Variants in LRP2 observed in about 807,000 individuals in gnomAD.
The protein encoded by LRP2 is LDL receptor related protein 2.
A neutral mutation model predicts 531.0 loss-of-function variants in LRP2; 172 were observed. The observed-to-expected ratio is 0.32, with a 90% CI of 0.29 to 0.37. The LOEUF is 0.37. LRP2 is among the 10% of genes least tolerant of loss of function. The probability of loss-of-function intolerance (pLI) is 1.00; values close to 1 mark genes in which losing one functional copy is unlikely to be tolerated. For missense variants in LRP2, 5,167 were observed against 5,868.3 expected, an observed-to-expected ratio of 0.88 and a Z score of 3.90; for synonymous variants, 1,992 against 2,027.6, an observed-to-expected ratio of 0.98 and a Z score of 0.47.
At chr2:169,257,960 A>G (rs1319306965) in intron 17 of LRP2, among the ~76,000 whole-genome samples, 1 of 152,122 alleles carries the variant, frequency 6.6e-6, no homozygotes, top group African/African-American at 2.4e-5. Context: ...ATCATTTTAA[A>G]CAAAAGAGTC....
intron 54 of LRP2, among the ~76,000 whole-genome samples, chr2:169,175,817 C>G (rs1687171377): frequency 6.6e-6 from 1 of 152,174 alleles, no homozygotes; most frequent in South Asian, 2.1e-4. Flanking sequence ...TTCTTAATCT[C>G]AGATATCTTA....
chr2:169,338,404 G>GAAAGAGA (rs1685477640), intron 1 of LRP2, among the ~76,000 whole-genome samples: 1 of 104,606 alleles, frequency 9.6e-6, no homozygotes, highest in African/African-American at 3.9e-5. Context: ...AAGAAAGAAA[G>GAAAGAGA]AAAGAAAAGA....
intron 16 of LRP2, among the ~76,000 whole-genome samples, chr2:169,266,260 CA>C (rs1025671787): frequency 6.6e-5 from 10 of 151,422 alleles, no homozygotes; most frequent in Admixed American, 2.0e-4. Context: ...AAGTAAATAT[CA>C]AAAATGATAA....
chr2:169,183,048 G>A (rs1687497873), intron 50 of LRP2, among the ~76,000 whole-genome samples: 1 of 152,086 alleles, frequency 6.6e-6, no homozygotes, highest in Non-Finnish European at 1.5e-5. Context: ...CTTTCTAAAG[G>A]GGCCCAGGGC....
At chr2:169,231,965 CCT>C in intron 30 of LRP2, 123 bp from the exon 31 acceptor site, 1 of 1,221,624 alleles carries the variant, frequency 8.2e-7, no homozygotes. Context: ...TACGTTGTTA[CCT>C]CTGTTGTTTT....
intron 35 of LRP2, among the ~76,000 whole-genome samples, chr2:169,214,678 T>G (rs1184829253): frequency 6.6e-6 from 1 of 151,566 alleles, no homozygotes; most frequent in East Asian, 1.9e-4. Flanking sequence ...GTGGAGAGAG[T>G]GGAGGCCAGG....
intron 18 of LRP2, 81 bp downstream of exon 18, chr2:169,257,043 C>T (rs1294997187): frequency 4.5e-6 from 7 of 1,547,410 alleles, no homozygotes; most frequent in Admixed American, 1.7e-5. Context: ...TTTCCTTACA[C>T]CATCATATCA....
Position 169,289,335 on chromosome 2 carries a change from A to T in LRP2, c.923-190T>A, listed in dbSNP as rs377629871. Among the ~76,000 whole-genome samples the T allele has an allele frequency of 1.9e-4, 29 of 152,312 alleles. No homozygotes were observed. In the East Asian group the frequency reaches 5.4e-3, roughly 28 times the overall value. On this transcript the variant is annotated intron_variant, in intron 8 of 78. Transcript: ENST00000649046. ...TCAACTGAGACAGGAAGATTGCTTG[A>T]AGCCAGGAGATCAAGACCAGCCTGG... is the stretch of plus-strand genomic sequence containing the variant.
At chr2:169,173,320 A>C in intron 56 of LRP2, 96 bp from the exon 57 acceptor site, 1 of 1,469,022 alleles carries the variant, frequency 6.8e-7, no homozygotes, top group South Asian at 1.2e-5. Flanking sequence ...AATAACAATG[A>C]CCATGTTACC....
chr2:169,326,629 G>C (rs1333437558), intron 1 of LRP2, among the ~76,000 whole-genome samples: 6 of 152,072 alleles, frequency 3.9e-5, no homozygotes, highest in African/African-American at 1.4e-4. Flanking sequence ...GCCTCTGCCC[G>C]GCCACCACCC....
chr2:169,346,875 C>T lies in LRP2; in HGVS notation c.79+15446G>A, dbSNP rs138629040. On this transcript the variant is annotated intron_variant, in intron 1 of 78. Transcript: ENST00000649046. ...ACAACTTTTCCTTTTGTTGTAACAA[C>T]TCAGTTTCAATTGCTAACTAGAGGA... Among the ~76,000 whole-genome samples, 73 of 152,264 alleles carry T rather than the reference C, an allele frequency of 4.8e-4. 1 individual carries two copies. The highest frequency in any genetic ancestry group is 1.7e-3 in the African/African-American group (71 of 41,548).
chr2:169,237,438 C>G, intron 27 of LRP2, 151 bp from the exon 28 acceptor site: 1 of 640,480 alleles, frequency 1.6e-6, no homozygotes, highest in Non-Finnish European at 2.8e-6. Flanking sequence ...TAGCTAACCA[C>G]CAAATCAACA....
intron 16 of LRP2, among the ~76,000 whole-genome samples, chr2:169,265,435 C>T (rs954500524): frequency 6.6e-6 from 1 of 151,960 alleles, no homozygotes; most frequent in Non-Finnish European, 1.5e-5. Context: ...TTGGAAAAAG[C>T]TTCCATCAAA....
chr2:169,243,271 T>C, intron 23 of LRP2, 132 bp downstream of exon 23: 2 of 1,106,832 alleles, frequency 1.8e-6, no homozygotes, highest in Non-Finnish European at 2.7e-6. Flanking sequence ...TTTCTCCTAA[T>C]GCCATCCCTT....
rs1683459995 is a variant in LRP2 at position 169,273,026 on chromosome 2, C to A, written c.2017G>T (p.Val673Phe). ...TCTGTTCTGTGGCTGAGGACACAGA[C>A]CTGCTCACAGCCCCCATTGTTATCT... Reference protein sequence around the residue: ...CKDNNGGCEQVCVLSHRTDND... With the variant: ...CKDNNGGCEQFCVLSHRTDND... Residue 673 changes from valine (V) to phenylalanine (F), a missense_variant, in exon 15 of 79, where the codon GTC becomes TTC. Around this residue, in one of 6 missense-constraint regions of LRP2, gnomAD observed 2,811 missense variants for 3,058.0 expected, o/e 0.92. Transcript: ENST00000649046. 1 of 1,613,676 alleles carries A rather than the reference C, an allele frequency of 6.2e-7. No individual in the cohort carries two copies.
intron 54 of LRP2, 24 bp downstream of exon 54, chr2:169,176,387 A>G: frequency 6.2e-7 from 1 of 1,613,888 alleles, no homozygotes; most frequent in Non-Finnish European, 8.5e-7. Flanking sequence ...AGAGGCACTG[A>G]GGAGAGGGGA....
In LRP2 at chr2:169,207,179, G is replaced by A. The variant is rs759670096; in HGVS notation, c.6541C>T (p.Arg2181Cys). ...IEVLRINTTY[R>C]RVLLKVTVDM... ...ACTGTGACTTTAAGAAGAACACGGCGGTAAGTAGTATTGATCCGCAGAACT... is the reference window on the plus strand; with the variant it reads ...ACTGTGACTTTAAGAAGAACACGGCAGTAAGTAGTATTGATCCGCAGAACT... Residue 2181 changes from arginine (R) to cysteine (C), a missense_variant, in exon 39 of 79, where the codon CGC becomes TGC. Physicochemically the swap from Arg to Cys is radical, Grantham distance 180. This residue lies in a region of LRP2 where 2,811 missense variants were observed against 3,058.0 expected (regional missense o/e 0.92). Transcript: ENST00000649046. The A allele has an allele frequency of 1.8e-5, 29 of 1,613,700 alleles. No homozygotes were observed. Among genetic ancestry groups the A allele is most frequent in the Middle Eastern group, 3.3e-4 (2 of 6,076 alleles).
At chr2:169,279,028 G>A (rs931789110) in intron 12 of LRP2, among the ~76,000 whole-genome samples, 2 of 152,112 alleles carry the variant, frequency 1.3e-5, no homozygotes, top group African/African-American at 4.8e-5. Context: ...CATAAGTGAT[G>A]TTTAGTTGTA....
At position 169,294,716 on chromosome 2, in the gene LRP2, GTAA is replaced by G; in HGVS notation, c.428-9_428-7del. On this transcript the variant is annotated splice_polypyrimidine_tract_variant and splice_region_variant and intron_variant, in intron 4 of 78. Transcript: ENST00000649046. The stretch of plus-strand genomic sequence containing the variant: ...CTGCTCACATGTTGGGTACTCTATT[GTAA>G]AAAAAAAAAAAAAAAAAAAAAGGAA... 4.1e-6 allele frequency: 2 copies of G among 488,544 alleles called. No homozygotes were observed. Among genetic ancestry groups the G allele is most frequent in the Non-Finnish European group, 6.6e-6 (2 of 300,940 alleles). The allele number at this position is 488,544 out of a possible 1,614,324, so 30.3% of individuals were successfully genotyped here. A position where few individuals can be genotyped will look rare whatever the true frequency, so the allele number is the denominator to read the frequency against.
Sources: allele counts gnomAD v4.1 joint callset (sites outside exome capture counted in the v4.1 genomes callset), GRCh38; gene constraint gnomAD v4.1.1; regional missense constraint gnomAD v4.1.1; transcripts MANE v1.5; gene names NCBI Gene and HGNC (gene_info 2026-07-23, HGNC 2026-07-21).